SKA2: variants seen among roughly 807,000 people sequenced by gnomAD.
SKA2 encodes spindle and kinetochore associated complex subunit 2.
Under a neutral mutation model 16.9 loss-of-function variants are expected in SKA2, and 13 were observed. The observed-to-expected ratio is 0.77, with a 90% confidence interval of 0.50 to 1.22. SKA2 has a LOEUF of 1.22. Among genes scored for constraint, SKA2 ranks in the 50% most tolerant of loss-of-function variants. The probability of loss-of-function intolerance (pLI) is 0.00; values close to 1 mark genes in which losing one functional copy is unlikely to be tolerated. For missense variants in SKA2, 107 were observed against 139.7 expected (o/e 0.77, Z 1.18); for synonymous variants, 47 against 48.5 (o/e 0.97, Z 0.13).
intron 2 of SKA2, among the ~76,000 whole-genome samples, chr17:59,120,247 T>C (rs1171147117): frequency 6.6e-6 from 1 of 152,102 alleles, no homozygotes; most frequent in African/African-American, 2.4e-5. Flanking sequence ...AAAGTATGTA[T>C]AAATATCAAT....
chr17:59,129,458 T>C (rs2046395617), intron 2 of SKA2: 2 of 145,798 alleles, frequency 1.4e-5, no homozygotes, highest in African/African-American at 5.2e-5. Flanking sequence ...TGAGAAGAAA[T>C]ATCACAGGAA....
rs576321923 is a variant in SKA2 at position 59,136,163 on chromosome 17, C to CTTA, written c.34-4799_34-4797dup. Among the ~76,000 whole-genome samples the CTTA allele has an allele frequency of 2.2e-4, 34 of 152,046 alleles. No individual in the cohort carries two copies. The South Asian group carries it at 7.1e-3, about 32-fold the overall frequency. ...TAATAACACACAGGGGCAGTACTGA[C>CTTA]TTATTATTATTATTTAGACCGAGTT... On this transcript the variant is annotated intron_variant, in intron 1 of 3. Transcript: ENST00000330137.
chr17:59,141,027 C>A (rs1426941006), intron 1 of SKA2, among the ~76,000 whole-genome samples: 2 of 151,836 alleles, frequency 1.3e-5, no homozygotes, highest in East Asian at 3.9e-4. Flanking sequence ...GAACTCCTGA[C>A]TTTAAGCGAT....
chr17:59,154,865 G>T (rs2046610344), intron 1 of SKA2: 20 of 1,413,632 alleles, frequency 1.4e-5, no homozygotes, highest in Non-Finnish European at 1.9e-5. Context: ...GGGTGTAAAG[G>T]TGAGGGCAAG....
At chr17:59,151,059 A>C (rs980212048) in intron 1 of SKA2, 1 of 461,220 alleles carries the variant, frequency 2.2e-6, no homozygotes, top group Admixed American at 2.5e-5. Flanking sequence ...TATAGTTCTC[A>C]GCAACAAAGG....
At chr17:59,143,728 C>T (rs777920939) in intron 1 of SKA2, among the ~76,000 whole-genome samples, 2 of 152,046 alleles carry the variant, frequency 1.3e-5, no homozygotes, top group Non-Finnish European at 2.9e-5. Context: ...TCGCCACGGC[C>T]TCCCAAATGC....
intron 3 of SKA2, among the ~76,000 whole-genome samples, chr17:59,117,467 G>A (rs2046304244): frequency 6.6e-6 from 1 of 152,160 alleles, no homozygotes; most frequent in African/African-American, 2.4e-5. Flanking sequence ...TGCAATCATA[G>A]CTCACTGCAG....
At position 59,131,351 on chromosome 17, in the gene SKA2, G is replaced by A; in HGVS notation, c.50C>T (p.Ser17Phe). 4.5e-6 allele frequency: 7 copies of A among 1,563,798 alleles called. No homozygotes were observed. Among genetic ancestry groups the A allele is most frequent in the Non-Finnish European group, 3.5e-6 (4 of 1,151,432 alleles). ...CCTGTATTGAATGTAATCCAGATCA[G>A]ACTCAGCTTTCTGGAACTAAAGATC... ...KLELMFQKAE[S>F]DLDYIQYRLE... The change falls in exon 2 of 4, where the codon TCT becomes TTT. Residue 17 changes from serine (S) to phenylalanine (F), a missense_variant. Physicochemically the swap from Ser to Phe is radical, Grantham distance 155 (BLOSUM62 -2). Transcript: ENST00000330137.
At chr17:59,137,018 T>G (rs2046450547) in intron 1 of SKA2, among the ~76,000 whole-genome samples, 1 of 152,150 alleles carries the variant, frequency 6.6e-6, no homozygotes, top group Admixed American at 6.5e-5. Flanking sequence ...TGTAAATTCT[T>G]TTTTTTCTTT....
chr17:59,142,321 G>A (rs1353731526), intron 1 of SKA2, among the ~76,000 whole-genome samples: 6 of 143,574 alleles, frequency 4.2e-5, no homozygotes, highest in Admixed American at 1.4e-4. Context: ...ATGGCGTTTC[G>A]CTCTTGTTGC....
intron 1 of SKA2, among the ~76,000 whole-genome samples, chr17:59,140,546 TG>T (rs2046480343): frequency 6.6e-6 from 1 of 151,166 alleles, no homozygotes; most frequent in Non-Finnish European, 1.5e-5. Flanking sequence ...CAGGCTTTTA[TG>T]GAACAATTGC....
rs2046266715 is a variant in SKA2 at position 59,112,030 on chromosome 17, C to T, written c.*247G>A. On this transcript the variant is annotated 3_prime_UTR_variant, in exon 4 of 4. Transcript: ENST00000330137. ...AATTACAAGACTAAGTGTGTGTGTG[C>T]ATGCGTGTGTACATATATTTAAATC... 1.1e-4 allele frequency: 43 copies of T among 399,928 alleles called. No homozygotes were observed. Among genetic ancestry groups the T allele is most frequent in the East Asian group, 1.8e-4 (4 of 21,704 alleles). The allele number at this position is 399,928 out of a possible 1,614,324, so 24.8% of individuals were successfully genotyped here. A position where few individuals can be genotyped will look rare whatever the true frequency, so the allele number is the denominator to read the frequency against.
chr17:59,132,229 G>A (rs1273171461), intron 1 of SKA2, among the ~76,000 whole-genome samples: 2 of 152,090 alleles, frequency 1.3e-5, no homozygotes, highest in East Asian at 1.9e-4. Flanking sequence ...GGTGGCAGAA[G>A]CCTGTAATCC....
intron 1 of SKA2, among the ~76,000 whole-genome samples, chr17:59,132,834 A>C (rs1400471039): frequency 6.6e-6 from 1 of 152,244 alleles, no homozygotes; most frequent in East Asian, 1.9e-4. Flanking sequence ...TTAAAATGAT[A>C]ATGTATAGAC....
chr17:59,115,104 C>T (rs1031146590), intron 3 of SKA2, among the ~76,000 whole-genome samples: 1 of 149,446 alleles, frequency 6.7e-6, no homozygotes, highest in African/African-American at 2.5e-5. Flanking sequence ...TCTTGTTGCC[C>T]AGGCTGGAGC....
intron 1 of SKA2, among the ~76,000 whole-genome samples, chr17:59,145,324 C>G (rs2046523812): frequency 6.6e-6 from 1 of 152,138 alleles, no homozygotes; most frequent in African/African-American, 2.4e-5. Context: ...TCTCAATACT[C>G]CTAGCTCTCC....
chr17:59,154,825 T>C, intron 1 of SKA2: 1 of 923,644 alleles, frequency 1.1e-6, no homozygotes. Context: ...AAACACAGAA[T>C]GCGGTCTGCA....
chr17:59,142,102 C>T (rs931094834), intron 1 of SKA2, among the ~76,000 whole-genome samples: 2 of 152,074 alleles, frequency 1.3e-5, no homozygotes, highest in Non-Finnish European at 2.9e-5. Flanking sequence ...TGTACTCTGC[C>T]CATCATGAAG....
intron 1 of SKA2, among the ~76,000 whole-genome samples, chr17:59,146,035 C>T (rs2046529819): frequency 6.6e-6 from 1 of 151,638 alleles, no homozygotes; most frequent in South Asian, 2.1e-4. Flanking sequence ...AAGTAGGAAG[C>T]ACTTTTATCT....
Sources: allele counts gnomAD v4.1 joint callset (sites outside exome capture counted in the v4.1 genomes callset), GRCh38; gene constraint gnomAD v4.1.1; transcripts MANE v1.5; gene names NCBI Gene and HGNC (gene_info 2026-07-23, HGNC 2026-07-21).